ELAPOR1: variants seen among roughly 807,000 people sequenced by gnomAD.
ELAPOR1 encodes endosome-lysosome associated apoptosis and autophagy regulator 1, also known as endosome/lysosome-associated apoptosis and autophagy regulator 1.
A neutral mutation model predicts 119.7 loss-of-function variants in ELAPOR1; 77 were observed. The observed-to-expected ratio is 0.64, with a 90% CI of 0.54 to 0.78. The LOEUF (loss-of-function observed/expected upper bound fraction) is 0.78, where lower values mean the gene tolerates loss of function less well. ELAPOR1 is among the 30% of genes least tolerant of loss of function. The pLI is 0.00. For missense variants in ELAPOR1, 1,115 were observed against 1,270.4 expected, an observed-to-expected ratio of 0.88 and a Z score of 1.86; for synonymous variants, 481 against 487.2, an observed-to-expected ratio of 0.99 and a Z score of 0.17.
At position 109,192,628 on chromosome 1, in the gene ELAPOR1, T is replaced by G; in HGVS notation, c.1701T>G (p.Asn567Lys). The change falls in exon 14 of 22, where the codon AAT (asparagine) becomes AAG (lysine). Residue 567 changes from asparagine (N) to lysine (K), a missense_variant. Transcript: ENST00000369939. ...GTCTCCAGAGCAGGAAGTACACCAA[T>G]GACGTTGCCAAGATCTACTCCATCA... The part of the protein sequence containing the change: ...TFHEASRKYT[N>K]DVAKIYSINV... 6.2e-7 allele frequency: 1 copy of G among 1,614,042 alleles called. No homozygotes were observed. Among genetic ancestry groups the G allele is most frequent in the African/African-American group, 1.3e-5 (1 of 74,988 alleles).
chr1:109,183,088 T>A (rs604187), intron 7 of ELAPOR1, among the ~76,000 whole-genome samples: 1 of 151,430 alleles, frequency 6.6e-6, no homozygotes, highest in South Asian at 2.1e-4. Context: ...TTTCAAAAAG[T>A]TTTTATTTGT....
At chr1:109,114,485 A>G (rs1158949070) in intron 1 of ELAPOR1, 149 bp downstream of exon 1, 1 of 942,464 alleles carries the variant, frequency 1.1e-6, no homozygotes, top group Non-Finnish European at 1.5e-6. Flanking sequence ...AAGAGGAGCC[A>G]GTCTGGCGTC....
chr1:109,127,866 C>CT lies in ELAPOR1; in HGVS notation c.153+13543dup, dbSNP rs112344650. On this transcript the variant is annotated intron_variant, in intron 1 of 21. Coordinates refer to ENST00000369939, the MANE Select transcript of ELAPOR1 (RefSeq NM_020775.5). ...GACATGAGCCACTGCACCCGGCCTG[C>CT]TTTTTTTTTTTTTAAGTCTTTTCTT... Among the ~76,000 whole-genome samples the CT allele has an allele frequency of 6.7e-3, 946 of 141,896 alleles. 10 individuals are homozygous for CT. Among genetic ancestry groups the CT allele is most frequent in the African/African-American group, 0.021 (822 of 38,942 alleles). The allele number at this position is 141,896 out of a possible 152,430, so 93.1% of individuals were successfully genotyped here.
intron 1 of ELAPOR1, among the ~76,000 whole-genome samples, chr1:109,143,678 CT>C (rs939596372): frequency 6.6e-6 from 1 of 151,026 alleles, no homozygotes; most frequent in African/African-American, 2.4e-5. Context: ...AAAGTTTGAA[CT>C]TTTTTTTTGA....
chr1:109,126,725 C>T (rs1380662060), intron 1 of ELAPOR1, among the ~76,000 whole-genome samples: 2 of 152,192 alleles, frequency 1.3e-5, no homozygotes, highest in Admixed American at 1.3e-4. Flanking sequence ...CCTGCATTGG[C>T]CTCCCAAAAT....
intron 7 of ELAPOR1, among the ~76,000 whole-genome samples, chr1:109,182,995 T>C (rs192989267): frequency 1.6e-4 from 24 of 152,276 alleles, no homozygotes; most frequent in Admixed American, 9.2e-4. Context: ...TTCGAAGTAG[T>C]GGTGGCAGTA....
intron 1 of ELAPOR1, among the ~76,000 whole-genome samples, chr1:109,155,418 T>A (rs1372658592): frequency 6.6e-6 from 1 of 152,128 alleles, no homozygotes; most frequent in Admixed American, 6.5e-5. Context: ...GACCTCGTGA[T>A]CCACTCGCCT....
chr1:109,116,080 A>G (rs1333667349), intron 1 of ELAPOR1, among the ~76,000 whole-genome samples: 1 of 152,230 alleles, frequency 6.6e-6, no homozygotes, highest in Non-Finnish European at 1.5e-5. Context: ...ACATTTCAGA[A>G]ATTAAGCACT....
At chr1:109,125,939 A>G (rs1648749851) in intron 1 of ELAPOR1, among the ~76,000 whole-genome samples, 1 of 152,040 alleles carries the variant, frequency 6.6e-6, no homozygotes, top group Admixed American at 6.6e-5. Flanking sequence ...CCTCCACCCA[A>G]CCAGGAGTGA....
intron 1 of ELAPOR1, among the ~76,000 whole-genome samples, chr1:109,130,197 AAAG>A (rs1649061724): frequency 6.6e-6 from 1 of 152,200 alleles, no homozygotes; most frequent in Non-Finnish European, 1.5e-5. Flanking sequence ...ACACTGTTCC[AAAG>A]AAGATTACAT....
chr1:109,187,339 C>CGAGGT, intron 8 of ELAPOR1: 2 of 985,490 alleles, frequency 2.0e-6, no homozygotes, highest in Non-Finnish European at 2.4e-6. Flanking sequence ...GGAAGAGGGC[C>CGAGGT]GAGCTGAGCA....
In ELAPOR1 at chr1:109,193,018, C is replaced by T. The variant is rs1054966239; in HGVS notation, c.1947+144C>T. The T allele has an allele frequency of 1.1e-5, 10 of 870,038 alleles. No individual in the cohort carries two copies. The African/African-American group carries it at 1.2e-4, about 10-fold the overall frequency. 53.9% of individuals were successfully genotyped at this position (870,038 alleles called of 1,614,324 possible). ...TCCTAGGTTGGAGTCCTGGAGGACACCCATCCAGGCTGTGACTGTGGAGGG... is the reference window on the plus strand; with the variant it reads ...TCCTAGGTTGGAGTCCTGGAGGACATCCATCCAGGCTGTGACTGTGGAGGG... On this transcript the variant is annotated intron_variant, in intron 14 of 21. Coordinates refer to ENST00000369939, the MANE Select transcript of ELAPOR1 (RefSeq NM_020775.5).
At chr1:109,150,430 A>C (rs1650458782) in intron 1 of ELAPOR1, among the ~76,000 whole-genome samples, 1 of 152,204 alleles carries the variant, frequency 6.6e-6, no homozygotes, top group Non-Finnish European at 1.5e-5. Context: ...GAGGACGGCC[A>C]GCAAAGGCCG....
chr1:109,194,421 A>G lies in ELAPOR1; in HGVS notation c.1948A>G (p.Ile650Val). Reference sequence around the variant, plus strand: ...CCCGACCCGTCCCTCTCCCCCTCAGATCCACTCTCTGTGCTACAACGATTG... The same window carrying G: ...CCCGACCCGTCCCTCTCCCCCTCAGGTCCACTCTCTGTGCTACAACGATTG... ...PCGPGTKNNK[I>V]HSLCYNDCTF... Residue 650 changes from isoleucine to valine, a missense_variant and splice_region_variant, in exon 15 of 22, where the codon ATC (isoleucine) becomes GTC (valine). Transcript: ENST00000369939. 6.2e-7 allele frequency: 1 copy of G among 1,613,350 alleles called. No homozygotes were observed. The highest frequency in any genetic ancestry group is 1.1e-5 in the South Asian group (1 of 91,070).
intron 18 of ELAPOR1, among the ~76,000 whole-genome samples, chr1:109,199,142 GATCCTAGGA>G (rs1435220496): frequency 1.3e-5 from 2 of 152,114 alleles, no homozygotes; most frequent in Non-Finnish European, 1.5e-5. Flanking sequence ...AAGGTTTAGG[GATCCTAGGA>G]ATCTCTCTGC....
intron 11 of ELAPOR1, 21 bp downstream of exon 11, chr1:109,189,703 G>A (rs1308477717): frequency 6.3e-7 from 1 of 1,597,248 alleles, no homozygotes; most frequent in African/African-American, 1.3e-5. Flanking sequence ...CAAAGCCCAG[G>A]GGAGTCCAGG....
intron 19 of ELAPOR1, 25 bp from the exon 20 acceptor site, chr1:109,200,034 A>G: frequency 6.2e-7 from 1 of 1,613,054 alleles, no homozygotes; most frequent in South Asian, 1.1e-5. Context: ...GGGAGATCTG[A>G]GTTCCTTGTT....
At chr1:109,199,563 G>A (rs940724665) in intron 18 of ELAPOR1, among the ~76,000 whole-genome samples, 12 of 152,180 alleles carry the variant, frequency 7.9e-5, no homozygotes, top group African/African-American at 2.9e-4. Context: ...CAAAGGGGTT[G>A]ATGAGACAGC....
intron 9 of ELAPOR1, 84 bp downstream of exon 9, chr1:109,188,438 C>A: frequency 2.1e-6 from 3 of 1,432,588 alleles, no homozygotes; most frequent in Non-Finnish European, 2.9e-6. Context: ...CAGCTGAATG[C>A]AGACTCTGCC....
Sources: allele counts gnomAD v4.1 joint callset (sites outside exome capture counted in the v4.1 genomes callset), GRCh38; gene constraint gnomAD v4.1.1; transcripts MANE v1.5; gene names NCBI Gene and HGNC (gene_info 2026-07-23, HGNC 2026-07-21).